ONECUT2: variants seen among roughly 807,000 people sequenced by gnomAD.
ONECUT2 encodes one cut domain family member 2.
In ONECUT2, 10 loss-of-function variants were observed where a neutral mutation model predicts 27.9. The ratio of observed to expected loss-of-function variants is 0.36; its 90% CI spans 0.22 to 0.61. The LOEUF is 0.61. Among genes scored for constraint, ONECUT2 ranks in the 20% least tolerant of loss-of-function variants. ONECUT2 has a pLI of 0.73. For synonymous variants in ONECUT2, 334 were observed against 315.1 expected, an observed-to-expected ratio of 1.06 and a Z score of -0.64; for missense variants, 686 against 721.0, an observed-to-expected ratio of 0.95 and a Z score of 0.56.
At chr18:57,468,398 G>A (rs756429761) in intron 1 of ONECUT2, among the ~76,000 whole-genome samples, 17 of 152,200 alleles carry the variant, frequency 1.1e-4, no homozygotes, top group Non-Finnish European at 2.2e-4. Flanking sequence ...CGGAGGGCAG[G>A]TTCATGGTAC....
At chr18:57,446,660 G>A (rs978232126) in intron 1 of ONECUT2, among the ~76,000 whole-genome samples, 9 of 152,174 alleles carry the variant, frequency 5.9e-5, no homozygotes, top group African/African-American at 2.2e-4. Flanking sequence ...ACCCATGCAA[G>A]CATTATCTTC....
chr18:57,448,676 T>C (rs1190171991), intron 1 of ONECUT2, among the ~76,000 whole-genome samples: 1 of 152,254 alleles, frequency 6.6e-6, no homozygotes, highest in Non-Finnish European at 1.5e-5. Context: ...TGTAGCCTTT[T>C]TGGCCTACTT....
chr18:57,458,661 A>C (rs1344387537), intron 1 of ONECUT2, among the ~76,000 whole-genome samples: 7 of 151,838 alleles, frequency 4.6e-5, no homozygotes, highest in African/African-American at 1.7e-4. Context: ...GGTTGTTTGC[A>C]TTATTTGCTA....
At chr18:57,461,443 G>A (rs503581) in intron 1 of ONECUT2, among the ~76,000 whole-genome samples, 17,268 of 152,102 alleles carry the variant, frequency 0.11, 1,041 homozygotes, top group Middle Eastern at 0.21. Flanking sequence ...ATACATTTCT[G>A]TGGGGTTTTC....
intron 1 of ONECUT2, among the ~76,000 whole-genome samples, chr18:57,442,247 T>G (rs3786482): frequency 6.7e-6 from 1 of 149,802 alleles, no homozygotes; most frequent in East Asian, 1.9e-4. Flanking sequence ...CTTCTGGGTT[T>G]TTTTTTTTTT....
chr18:57,451,077 T>C (rs2050227551), intron 1 of ONECUT2, among the ~76,000 whole-genome samples: 1 of 152,238 alleles, frequency 6.6e-6, no homozygotes, highest in Non-Finnish European at 1.5e-5. Flanking sequence ...CAACTTTAGT[T>C]GGAAACTGAA....
rs905622144 is a variant in ONECUT2 at position 57,488,556 on chromosome 18, G to A, written c.*11833G>A. 9 of 152,692 alleles carry A rather than the reference G, an allele frequency of 5.9e-5. No individual in the cohort carries two copies. Among genetic ancestry groups the A allele is most frequent in the Non-Finnish European group, 1.0e-4 (7 of 68,012 alleles). 9.5% of individuals were successfully genotyped at this position (152,692 alleles called of 1,614,324 possible). A position where few individuals can be genotyped will look rare whatever the true frequency, so the allele number is the denominator to read the frequency against. On this transcript the variant is annotated 3_prime_UTR_variant, in exon 2 of 2. Coordinates refer to ENST00000491143, the MANE Select transcript of ONECUT2 (RefSeq NM_004852.3). ...TGAAACCCAAGGTATATTTTGTTAT[G>A]CCATTTTATGTCCTTTTCTTTTAAC...
In ONECUT2 at chr18:57,477,344, T is replaced by C. The variant is rs1419645759; in HGVS notation, c.*621T>C. Reference sequence around the variant, plus strand: ...AAAAAAAAAATCCAAGGACCTGTTTTTCCAACCCAGACATCTTTTCATTGA... The same window carrying C: ...AAAAAAAAAATCCAAGGACCTGTTTCTCCAACCCAGACATCTTTTCATTGA... On this transcript the variant is annotated 3_prime_UTR_variant, in exon 2 of 2. Coordinates refer to ENST00000491143, the MANE Select transcript of ONECUT2 (RefSeq NM_004852.3). 2 of 152,662 alleles carry C rather than the reference T, an allele frequency of 1.3e-5. No individual in the cohort carries two copies. The highest frequency in any genetic ancestry group is 6.5e-5 in the Admixed American group (1 of 15,278). The allele number at this position is 152,662 out of a possible 1,614,324, so 9.5% of individuals were successfully genotyped here.
In ONECUT2 at chr18:57,462,212, G is replaced by A. The variant is rs552219666; in HGVS notation, c.1229-14225G>A. Among the ~76,000 whole-genome samples, 14 of 152,306 alleles carry A rather than the reference G, an allele frequency of 9.2e-5. 1 individual carries two copies. The South Asian group carries it at 2.9e-3, about 32-fold the overall frequency. On this transcript the variant is annotated intron_variant, in intron 1 of 1. Transcript: ENST00000491143. Reference sequence around the variant, plus strand: ...ATTTTTGAAAATTTGGATTTCTTCTGTGAAGTGCCTGTTCAAGTCTCTTGC... The same window carrying A: ...ATTTTTGAAAATTTGGATTTCTTCTATGAAGTGCCTGTTCAAGTCTCTTGC...
rs371795877 is a variant in ONECUT2 at position 57,436,439 on chromosome 18, C to T, written c.723C>T (p.Asn241=). ...GCAACGGGCTAGGCGGCCTCCACAA[C>T]GCGCAGCAGAGTCTGCCCAACTACG... The part of the protein sequence containing the change: ...PLGNGLGGLH[N]AQQSLPNYGP... The change falls in exon 1 of 2, where the codon AAC becomes AAT. Residue 241 remains asparagine (N), a synonymous_variant. Transcript: ENST00000491143. The surrounding 1 kb of genome is among the most constrained non-coding windows in gnomAD (Gnocchi z 5.9). 2 of 1,612,682 alleles carry T rather than the reference C, an allele frequency of 1.2e-6. No homozygotes were observed. The highest frequency in any genetic ancestry group is 1.7e-6 in the Non-Finnish European group (2 of 1,179,862).
At chr18:57,447,029 G>A (rs902603958) in intron 1 of ONECUT2, among the ~76,000 whole-genome samples, 12 of 152,234 alleles carry the variant, frequency 7.9e-5, no homozygotes, top group African/African-American at 2.7e-4. Flanking sequence ...CATCGAGAAA[G>A]AGATATGCCA....
intron 1 of ONECUT2, among the ~76,000 whole-genome samples, chr18:57,438,302 G>C (rs1049803904): frequency 1.3e-5 from 2 of 152,256 alleles, no homozygotes; most frequent in African/African-American, 4.8e-5. Context: ...GACTTCCCAT[G>C]GATCGGGTGG....
intron 1 of ONECUT2, among the ~76,000 whole-genome samples, chr18:57,460,777 C>T (rs1389175827): frequency 6.8e-6 from 1 of 148,058 alleles, no homozygotes; most frequent in South Asian, 2.1e-4. Flanking sequence ...GCAGCCTTGA[C>T]CTCCCTAGCT....
At chr18:57,458,468 G>A (rs189404141) in intron 1 of ONECUT2, among the ~76,000 whole-genome samples, 131 of 152,266 alleles carry the variant, frequency 8.6e-4, no homozygotes, top group African/African-American at 3.1e-3. Context: ...TCACATAAGT[G>A]GCATCACACT....
At chr18:57,465,743 T>C (rs989047372) in intron 1 of ONECUT2, among the ~76,000 whole-genome samples, 1 of 152,250 alleles carries the variant, frequency 6.6e-6, no homozygotes, top group African/African-American at 2.4e-5. Flanking sequence ...CCATTCTGGC[T>C]TGCCATGGTC....
In ONECUT2 at chr18:57,484,503, G is replaced by A. The variant is rs569659889; in HGVS notation, c.*7780G>A. ...TCTCTTATATGTTTGCTGTCTGCTC[G>A]ACATGTTCAAGATGCGAGTTCAGAT... On this transcript the variant is annotated 3_prime_UTR_variant, in exon 2 of 2. Transcript: ENST00000491143. 1.3e-5 allele frequency: 2 copies of A among 152,720 alleles called. No individual in the cohort carries two copies. Among genetic ancestry groups the A allele is most frequent in the African/African-American group, 4.8e-5 (2 of 41,558 alleles). The allele number at this position is 152,720 out of a possible 1,614,324, so 9.5% of individuals were successfully genotyped here.
In ONECUT2 at chr18:57,485,669, G is replaced by A. The variant is rs1041164538; in HGVS notation, c.*8946G>A. 1 of 152,148 alleles carries A rather than the reference G, an allele frequency of 6.6e-6. No individual in the cohort carries two copies. Among genetic ancestry groups the A allele is most frequent in the Admixed American group, 6.6e-5 (1 of 15,264 alleles). The allele number at this position is 152,148 out of a possible 1,614,324, so 9.4% of individuals were successfully genotyped here. ...ATTTCACATAATGTAGTTATTTTGA[G>A]CTTTTAAAGAGAGCATTTAGACAAA... On this transcript the variant is annotated 3_prime_UTR_variant, in exon 2 of 2. Transcript: ENST00000491143.
chr18:57,473,889 T>C (rs950054831), intron 1 of ONECUT2, among the ~76,000 whole-genome samples: 2 of 152,162 alleles, frequency 1.3e-5, no homozygotes, highest in African/African-American at 4.8e-5. Flanking sequence ...AAATATGCAG[T>C]CTTCACAGGA....
chr18:57,462,869 C>T lies in ONECUT2; in HGVS notation c.1229-13568C>T, dbSNP rs1368667602. ...GCCTCAGCCTTCCGAGTAGCTGGGA[C>T]AACAGGCATCTGCCACCACGCCTGG... On this transcript the variant is annotated intron_variant, in intron 1 of 1. Coordinates refer to ENST00000491143, the MANE Select transcript of ONECUT2 (RefSeq NM_004852.3). Among the ~76,000 whole-genome samples the T allele has an allele frequency of 2.0e-5, 3 of 151,324 alleles. No individual in the cohort carries two copies. In the East Asian group the frequency reaches 5.8e-4, roughly 29 times the overall value.
Sources: gnomAD v4.1 joint callset for allele counts (sites outside exome capture counted in the v4.1 genomes callset) on GRCh38, gnomAD v4.1.1 for gene constraint, Gnocchi (gnomAD v3.1) non-coding constraint, MANE v1.5 for transcripts, NCBI Gene and HGNC (gene_info 2026-07-23, HGNC 2026-07-21) for gene names.